DMD: variants seen among roughly 807,000 people sequenced by gnomAD.
The protein encoded by DMD is mutant dystrophin.
Under a neutral mutation model 330.1 loss-of-function variants are expected in DMD, and 63 were observed. The observed-to-expected ratio is 0.19, with a 90% confidence interval of 0.16 to 0.24. DMD has a LOEUF of 0.24. DMD is among the 10% of genes least tolerant of loss of function. The probability of loss-of-function intolerance (pLI) is 1.00; values close to 1 mark genes in which losing one functional copy is unlikely to be tolerated. For missense variants in DMD, 3,344 were observed against 2,684.1 expected (o/e 1.25, Z -5.43); for synonymous variants, 1,223 against 959.8 (o/e 1.27, Z -5.07).
intron 18 of DMD, among the ~76,000 whole-genome samples, chrX:32,513,018 A>G (rs1176097890): frequency 8.9e-6 from 1 of 112,088 alleles, no homozygotes; most frequent in Non-Finnish European, 1.9e-5. Context: ...ATTAATGAAG[A>G]TGAGGGATAT....
At chrX:33,028,396 T>C (rs1467893559) in intron 1 of DMD, among the ~76,000 whole-genome samples, 8 of 112,197 alleles carry the variant, frequency 7.1e-5, no homozygotes, top group Non-Finnish European at 9.4e-5. Context: ...GCTTCTCTGA[T>C]GAGGTTACAG....
intron 44 of DMD, among the ~76,000 whole-genome samples, chrX:31,993,810 G>C (rs921034361): frequency 8.9e-6 from 1 of 112,108 alleles, no homozygotes; most frequent in African/African-American, 3.2e-5. Context: ...GGCTGAAAGA[G>C]TGAACTGTAC....
rs181292053 is a variant in DMD at position 31,511,577 on chromosome X, G to A, written c.8218-4124C>T. Reference sequence around the variant, plus strand: ...AATTCCCACCTATGAGTGAGAATATGCGGTGTTTGGTGTTCTGTTCTTGTG... The same window carrying A: ...AATTCCCACCTATGAGTGAGAATATACGGTGTTTGGTGTTCTGTTCTTGTG... On this transcript the variant is annotated intron_variant, in intron 55 of 78. Transcript: ENST00000357033. Among the ~76,000 whole-genome samples the A allele has an allele frequency of 4.1e-3, 421 of 102,248 alleles. 3 individuals carry two copies. Among genetic ancestry groups the A allele is most frequent in the African/African-American group, 0.014 (391 of 27,676 alleles). 88.8% of individuals were successfully genotyped at this position (102,248 alleles called of 115,157 possible).
chrX:33,053,769 G>T (rs1345927432), intron 1 of DMD, among the ~76,000 whole-genome samples: 1 of 110,670 alleles, frequency 9.0e-6, no homozygotes, highest in Non-Finnish European at 1.9e-5. Flanking sequence ...TGAGGTGGGA[G>T]ATGACATTTC....
intron 2 of DMD, among the ~76,000 whole-genome samples, chrX:33,010,048 GTATA>G (rs1157415737): frequency 2.2e-5 from 1 of 44,878 alleles, no homozygotes; most frequent in Non-Finnish European, 6.3e-5. Flanking sequence ...ATACACATGT[GTATA>G]TATACGTGTA....
chrX:31,530,344 T>C (rs922268050), intron 55 of DMD, among the ~76,000 whole-genome samples: 1 of 111,963 alleles, frequency 8.9e-6, no homozygotes, highest in Non-Finnish European at 1.9e-5. Context: ...ACATCAGCCT[T>C]TTCCTTTTGA....
chrX:32,040,873 A>G (rs1463547165), intron 44 of DMD, among the ~76,000 whole-genome samples: 1 of 111,235 alleles, frequency 9.0e-6, no homozygotes, highest in African/African-American at 3.3e-5. Flanking sequence ...ACCCATGGGC[A>G]GATGCTCAAG....
chrX:31,638,362 T>C (rs904264107), intron 54 of DMD, among the ~76,000 whole-genome samples: 2 of 111,730 alleles, frequency 1.8e-5, no homozygotes, highest in Non-Finnish European at 1.9e-5. Context: ...CTCCTCTCTG[T>C]AGTTCTACTC....
chrX:33,039,373 AAAC>A (rs1285651946), intron 1 of DMD, among the ~76,000 whole-genome samples: 3 of 105,956 alleles, frequency 2.8e-5, no homozygotes, highest in African/African-American at 1.0e-4. Flanking sequence ...CCAAACAAAC[AAAC>A]AAAACAAAAA....
At chrX:31,250,372 T>C (rs953777595) in intron 63 of DMD, among the ~76,000 whole-genome samples, 5 of 111,805 alleles carry the variant, frequency 4.5e-5, no homozygotes, top group Non-Finnish European at 9.4e-5. Flanking sequence ...TAAGGAGAGC[T>C]ACCAAGTGGG....
chrX:32,063,110 C>T (rs2096238344), intron 44 of DMD, among the ~76,000 whole-genome samples: 1 of 109,517 alleles, frequency 9.1e-6, no homozygotes, highest in Non-Finnish European at 1.9e-5. Context: ...AAATGCTCAA[C>T]ATGTGTGGAT....
intron 7 of DMD, among the ~76,000 whole-genome samples, chrX:32,704,799 T>C (rs1239425544): frequency 1.8e-5 from 2 of 112,157 alleles, no homozygotes; most frequent in Non-Finnish European, 3.8e-5. Context: ...ATAGCCAGAA[T>C]GCTCAAAATA....
At position 31,261,691 on chromosome X, in the gene DMD, T is replaced by C. The variant is rs12015000; in HGVS notation, c.9225-675A>G. The C allele has an allele frequency of 0.25, 28,064 of 111,452 alleles. 2,769 individuals carry two copies. Among genetic ancestry groups the C allele is most frequent in the Middle Eastern group, 0.34 (73 of 212 alleles). The allele number at this position is 111,452 out of a possible 1,213,427, so 9.2% of individuals were successfully genotyped here. A position where few individuals can be genotyped will look rare whatever the true frequency, so the allele number is the denominator to read the frequency against. ...GGCCTGAATGAAGCATTCACAGCTG[T>C]CTTCCATTTCTTGAAGTGTGGTTGC... On this transcript the variant is annotated intron_variant, in intron 62 of 78. Coordinates refer to ENST00000357033, the MANE Select transcript of DMD (RefSeq NM_004006.3).
chrX:32,893,385 G>A (rs947747016), intron 2 of DMD, among the ~76,000 whole-genome samples: 1 of 111,553 alleles, frequency 9.0e-6, no homozygotes, highest in African/African-American at 3.3e-5. Flanking sequence ...ATTCTCTCAT[G>A]TCTTCCATTT....
chrX:31,487,534 T>A (rs2068913405), intron 57 of DMD, among the ~76,000 whole-genome samples: 1 of 112,094 alleles, frequency 8.9e-6, no homozygotes, highest in African/African-American at 3.2e-5. Context: ...CACAAATCGG[T>A]ATTGTTAACT....
intron 34 of DMD, among the ~76,000 whole-genome samples, chrX:32,366,323 C>A (rs747275998): frequency 8.9e-6 from 1 of 111,899 alleles, no homozygotes; most frequent in African/African-American, 3.2e-5. Flanking sequence ...GGGACATTCA[C>A]AGAGAGCTGA....
At chrX:31,341,875 G>A (rs1297490205) in intron 61 of DMD, among the ~76,000 whole-genome samples, 16 of 71,605 alleles carry the variant, frequency 2.2e-4, no homozygotes, top group South Asian at 1.3e-3. Flanking sequence ...TGGCGTGCGC[G>A]CGTGCGTGCG....
intron 7 of DMD, among the ~76,000 whole-genome samples, chrX:32,734,948 T>C (rs1455582533): frequency 9.2e-6 from 1 of 108,637 alleles, no homozygotes; most frequent in Admixed American, 9.8e-5. Flanking sequence ...TAAAGGGTAT[T>C]CAATTAGGAA....
At chrX:33,286,925 T>G (rs1375518301) in intron 1 of DMD, among the ~76,000 whole-genome samples, 5 of 112,050 alleles carry the variant, frequency 4.5e-5, no homozygotes, top group African/African-American at 1.6e-4. Flanking sequence ...TCTTTCCCAT[T>G]CTATGGATGT....
Sources: allele counts gnomAD v4.1 joint callset (sites outside exome capture counted in the v4.1 genomes callset), GRCh38; gene constraint gnomAD v4.1.1; transcripts MANE v1.5; gene names NCBI Gene and HGNC (gene_info 2026-07-23, HGNC 2026-07-21).